ZNF536: variants seen among roughly 807,000 people sequenced by gnomAD.
ZNF536 encodes the protein zinc finger protein 536.
Under a neutral mutation model 84.5 loss-of-function variants are expected in ZNF536, and 13 were observed. The ratio of observed to expected loss-of-function variants is 0.15; its 90% CI spans 0.10 to 0.24. ZNF536 has a LOEUF of 0.24. Ranked by LOEUF, ZNF536 falls within the 10% of genes least tolerant of loss-of-function variation. The pLI is 1.00. For missense variants in ZNF536, 1,536 were observed against 1,747.5 expected (o/e 0.88, Z 2.16); for synonymous variants, 811 against 742.5 (o/e 1.09, Z -1.50).
At position 30,251,196 on chromosome 19, in the gene ZNF536, G is replaced by A. The variant is rs181369578; in HGVS notation, c.-190+22523G>A. 1.2e-3 allele frequency among the ~76,000 whole-genome samples: 179 copies of A among 152,274 alleles called. 2 individuals are homozygous for A. Among genetic ancestry groups the A allele is most frequent in the South Asian group, 2.3e-3 (11 of 4,816 alleles). On this transcript the variant is annotated intron_variant, in intron 1 of 5. Coordinates refer to the ZNF536 transcript ENST00000585628. ...TTGAGTGTCTGGGTTCCAGATAGGC[G>A]TGGTTCTACATAAGACTGTGTGTCT...
At chr19:30,421,567 T>A (rs2050959001) in intron 1 of ZNF536, among the ~76,000 whole-genome samples, 1 of 152,130 alleles carries the variant, frequency 6.6e-6, no homozygotes, top group East Asian at 1.9e-4. Flanking sequence ...CTCACCATGT[T>A]ACCCAAGCTG....
At chr19:30,266,183 A>G (rs1272103057) in intron 1 of ZNF536, among the ~76,000 whole-genome samples, 2 of 152,098 alleles carry the variant, frequency 1.3e-5, no homozygotes, top group African/African-American at 4.8e-5. Flanking sequence ...TGAGTAGCTG[A>G]GACTACAGCC....
At chr19:30,349,349 A>G (rs563912614) in intron 2 of ZNF536, among the ~76,000 whole-genome samples, 1 of 152,256 alleles carries the variant, frequency 6.6e-6, no homozygotes, top group African/African-American at 2.4e-5. Context: ...CCCCGGTGTG[A>G]ATGTCATCCC....
chr19:30,485,001 G>A (rs541603837), intron 2 of ZNF536, among the ~76,000 whole-genome samples: 11 of 151,902 alleles, frequency 7.2e-5, no homozygotes, highest in South Asian at 2.1e-4. Context: ...AAAATTAGTC[G>A]GGCGTGGTGG....
At chr19:30,582,337 C>T (rs1356176430) in intron 1 of ZNF536, among the ~76,000 whole-genome samples, 1 of 149,170 alleles carries the variant, frequency 6.7e-6, no homozygotes, top group Non-Finnish European at 1.5e-5. Context: ...TTCCAATTCT[C>T]TACACAGCTG....
chr19:30,234,304 C>G (rs2023300624), intron 1 of ZNF536, among the ~76,000 whole-genome samples: 1 of 151,992 alleles, frequency 6.6e-6, no homozygotes, highest in Non-Finnish European at 1.5e-5. Flanking sequence ...ATTTCTGGCC[C>G]CCTACCTCCT....
At chr19:30,620,973 G>T (rs1387202582) in intron 1 of ZNF536, among the ~76,000 whole-genome samples, 1 of 151,976 alleles carries the variant, frequency 6.6e-6, no homozygotes. Context: ...TAGAAGTGCT[G>T]AACAAAAGGA....
chr19:30,615,107 C>A (rs530283484), intron 1 of ZNF536, among the ~76,000 whole-genome samples: 1 of 146,536 alleles, frequency 6.8e-6, no homozygotes, highest in Non-Finnish European at 1.5e-5. Flanking sequence ...CCACCATGCC[C>A]GGCTAATTTT....
chr19:30,491,810 C>CA (rs1486625553), intron 2 of ZNF536, among the ~76,000 whole-genome samples: 4 of 151,736 alleles, frequency 2.6e-5, no homozygotes, highest in Non-Finnish European at 5.9e-5. Flanking sequence ...GGGGGAAACT[C>CA]AATGATTTCT....
Position 30,285,605 on chromosome 19 carries a change from G to A in ZNF536, c.-120+1464G>A, listed in dbSNP as rs1337454389. 5.3e-5 allele frequency among the ~76,000 whole-genome samples: 8 copies of A among 152,308 alleles called. No homozygotes were observed. In the East Asian group the frequency reaches 1.4e-3, roughly 26 times the overall value. ...CGGAGGTATAGCCGAGCCAGTGGAA[G>A]TGGCTTTAAACCGCTTCCCCAGAAA... On this transcript the variant is annotated intron_variant, in intron 2 of 5. Coordinates refer to the ZNF536 transcript ENST00000585628.
chr19:30,287,278 AATGGATGGCTGG>A (rs1301364076), intron 2 of ZNF536, among the ~76,000 whole-genome samples: 1 of 140,066 alleles, frequency 7.1e-6, no homozygotes, highest in East Asian at 2.2e-4. Context: ...TGGATTGATG[AATGGATGGCTGG>A]ATGGATGAGT....
At chr19:30,344,537 C>A (rs563300423) in intron 2 of ZNF536, among the ~76,000 whole-genome samples, 1 of 151,590 alleles carries the variant, frequency 6.6e-6, no homozygotes. Flanking sequence ...TTCCCTTCTC[C>A]GAGTCAGCAC....
chr19:30,401,931 A>G (rs2050062395), intron 1 of ZNF536, among the ~76,000 whole-genome samples: 1 of 152,252 alleles, frequency 6.6e-6, no homozygotes, highest in South Asian at 2.1e-4. Flanking sequence ...ATCATTAAAT[A>G]AAGACTGTGA....
intron 1 of ZNF536, among the ~76,000 whole-genome samples, chr19:30,387,334 G>A (rs190214772): frequency 2.2e-4 from 34 of 152,360 alleles, no homozygotes; most frequent in Admixed American, 9.8e-4. Flanking sequence ...GAGCAGGACC[G>A]TGGGGACCCG....
chr19:30,515,937 G>A, intron 2 of ZNF536, among the ~76,000 whole-genome samples: 1 of 146,070 alleles, frequency 6.8e-6, no homozygotes, highest in East Asian at 2.0e-4. Flanking sequence ...TGAGGCAGGA[G>A]AATCGTTTGA....
At chr19:30,649,584 T>G (rs2049620252) in intron 1 of ZNF536, among the ~76,000 whole-genome samples, 1 of 146,924 alleles carries the variant, frequency 6.8e-6, no homozygotes, top group Non-Finnish European at 1.5e-5. Flanking sequence ...GTGAGATGCA[T>G]CCTGCTACTG....
Position 30,443,881 on chromosome 19 carries a change from A to C in ZNF536, c.319A>C (p.Asn107His). 1 of 1,613,650 alleles carries C rather than the reference A, an allele frequency of 6.2e-7. No individual in the cohort carries two copies. Among genetic ancestry groups the C allele is most frequent in the Non-Finnish European group, 8.5e-7 (1 of 1,180,000 alleles). The change falls in exon 2 of 5, where the codon AAC becomes CAC. Residue 107 changes from asparagine (N) to histidine (H), a missense_variant. Physicochemically the swap from Asn to His is moderately conservative, Grantham distance 68 (BLOSUM62 1). Transcript: ENST00000355537. ...GAGGGTGGACTTGCAGCAGTTCCTCAACGGGCAGAACCTGGGCATCATGTC... is the reference window on the plus strand; with the variant it reads ...GAGGGTGGACTTGCAGCAGTTCCTCCACGGGCAGAACCTGGGCATCATGTC... ...NGRVDLQQFL[N>H]GQNLGIMSQM...
At chr19:30,355,703 T>A (rs891782517) in intron 3 of ZNF536, among the ~76,000 whole-genome samples, 3 of 152,134 alleles carry the variant, frequency 2.0e-5, no homozygotes, top group African/African-American at 7.2e-5. Flanking sequence ...AAGCAGGAGC[T>A]GAGCTGCAGG....
intron 1 of ZNF536, among the ~76,000 whole-genome samples, chr19:30,705,455 T>C (rs1056866710): frequency 6.6e-6 from 1 of 152,180 alleles, no homozygotes; most frequent in African/African-American, 2.4e-5. Context: ...TCACAGTCTT[T>C]GTAATAAGTT....
Sources: allele counts gnomAD v4.1 joint callset (sites outside exome capture counted in the v4.1 genomes callset), GRCh38; gene constraint gnomAD v4.1.1; transcripts MANE v1.5; gene names NCBI Gene and HGNC (gene_info 2026-07-23, HGNC 2026-07-21).